Variants in SLC22A3 observed in about 807,000 individuals in gnomAD.
SLC22A3 encodes the protein solute carrier family 22 member 3.
In SLC22A3, 51 loss-of-function variants were observed where a neutral mutation model predicts 59.1. The observed-to-expected ratio is 0.86, with a 90% CI of 0.69 to 1.09. The LOEUF is 1.09. Among genes scored for constraint, SLC22A3 ranks in the 50% least tolerant of loss-of-function variants. The probability of loss-of-function intolerance (pLI) is 0.00; values close to 1 mark genes in which losing one functional copy is unlikely to be tolerated. For missense variants in SLC22A3, 711 were observed against 726.3 expected (o/e 0.98, Z 0.24); for synonymous variants, 325 against 292.0 (o/e 1.11, Z -1.15).
chr6:160,365,772 A>G (rs1477918382), intron 1 of SLC22A3, among the ~76,000 whole-genome samples: 1 of 152,174 alleles, frequency 6.6e-6, no homozygotes, highest in Non-Finnish European at 1.5e-5. Flanking sequence ...GGTAATTTAT[A>G]AAGGAAAGAG....
intron 1 of SLC22A3, among the ~76,000 whole-genome samples, chr6:160,376,112 C>T (rs1274848550): frequency 6.6e-6 from 1 of 152,170 alleles, no homozygotes; most frequent in Admixed American, 6.5e-5. Context: ...AAATGCCCAT[C>T]AGTGATAAAG....
intron 9 of SLC22A3, among the ~76,000 whole-genome samples, chr6:160,444,797 GA>G (rs1788681757): frequency 1.3e-5 from 2 of 152,200 alleles, no homozygotes; most frequent in South Asian, 4.1e-4. Flanking sequence ...AAATTTGAAT[GA>G]AAATACTGAG....
At position 160,348,717 on chromosome 6, in the gene SLC22A3, G is replaced by C. The variant is rs1173579094; in HGVS notation, c.298G>C (p.Asp100His). 1.3e-6 allele frequency: 2 copies of C among 1,525,272 alleles called. No homozygotes were observed. Among genetic ancestry groups the C allele is most frequent in the African/African-American group, 2.8e-5 (2 of 71,310 alleles). The allele number at this position is 1,525,272 out of a possible 1,614,324, so 94.5% of individuals were successfully genotyped here. A position where few individuals can be genotyped will look rare whatever the true frequency, so the allele number is the denominator to read the frequency against. Residue 100 changes from aspartate (D) to histidine (H), a missense_variant, in exon 1 of 11, where the codon GAC becomes CAC. Asp to His is a moderately conservative substitution (Grantham distance 81). Coordinates refer to ENST00000275300, the MANE Select transcript of SLC22A3 (RefSeq NM_021977.4). ...CQRYLLEAAN[D>H]SASATSALSC... ...GCGCTACCTCCTGGAGGCGGCCAACGACAGCGCCTCCGCCACTAGCGCTCT... is the reference window on the plus strand; with the variant it reads ...GCGCTACCTCCTGGAGGCGGCCAACCACAGCGCCTCCGCCACTAGCGCTCT...
rs771723533 is a variant in SLC22A3, at chr6:160,355,597, TA to T, written c.429+6763del. Among the ~76,000 whole-genome samples, 469 of 143,410 alleles carry T rather than the reference TA, an allele frequency of 3.3e-3. 2 individuals carry two copies. The highest frequency in any genetic ancestry group is 6.5e-3 in the African/African-American group (254 of 38,874). The allele number at this position is 143,410 out of a possible 152,430, so 94.1% of individuals were successfully genotyped here. A position where few individuals can be genotyped will look rare whatever the true frequency, so the allele number is the denominator to read the frequency against. ...TAACACGGTGAAACCCCGTCTCTAC[TA>T]AAAAAAAAAAAAATACAAAAACGAT... On this transcript the variant is annotated intron_variant, in intron 1 of 10. Transcript: ENST00000275300.
At position 160,352,074 on chromosome 6, in the gene SLC22A3, A is replaced by T. The variant is rs1784679578; in HGVS notation, c.429+3226A>T. Among the ~76,000 whole-genome samples, 9 of 152,362 alleles carry T rather than the reference A, an allele frequency of 5.9e-5. 1 individual carries two copies. The South Asian group carries it at 1.9e-3, about 32-fold the overall frequency. On this transcript the variant is annotated intron_variant, in intron 1 of 10. Transcript: ENST00000275300. ...GTTTCATTTTACGGTGTCAGGATCC[A>T]CAGTCAGCCAGACTGGCAGATGGGG...
At chr6:160,418,509 C>T (rs1787601255) in intron 5 of SLC22A3, among the ~76,000 whole-genome samples, 1 of 152,172 alleles carries the variant, frequency 6.6e-6, no homozygotes, top group African/African-American at 2.4e-5. Context: ...TCCTAATAAA[C>T]TCCCTTTCAT....
Position 160,410,781 on chromosome 6 carries a change from G to A in SLC22A3, c.910G>A (p.Ala304Thr). The change falls in exon 5 of 11, where the codon GCA becomes ACA. Residue 304 changes from alanine (A) to threonine (T), a missense_variant. Physicochemically the swap from Ala to Thr is moderately conservative, Grantham distance 58. Transcript: ENST00000275300. ...WLITRKKGDK[A>T]LQILRRIAKC... ...GATTACTCGGAAGAAAGGAGATAAA[G>A]CATTACAGATCCTGAGACGCATTGC... 6.2e-7 allele frequency: 1 copy of A among 1,613,382 alleles called. No individual in the cohort carries two copies. Among genetic ancestry groups the A allele is most frequent in the Non-Finnish European group, 8.5e-7 (1 of 1,179,586 alleles).
intron 1 of SLC22A3, among the ~76,000 whole-genome samples, chr6:160,371,956 G>T (rs1277051445): frequency 4.6e-5 from 7 of 152,020 alleles, no homozygotes; most frequent in Admixed American, 4.6e-4. Context: ...TCATGTGTTT[G>T]TTGGCCGGAT....
At chr6:160,355,372 C>T (rs1263556212) in intron 1 of SLC22A3, among the ~76,000 whole-genome samples, 2 of 152,198 alleles carry the variant, frequency 1.3e-5, no homozygotes, top group African/African-American at 4.8e-5. Context: ...GCCCCCGGGG[C>T]TCCCACTCTC....
chr6:160,412,889 C>T (rs1177785081), intron 5 of SLC22A3, among the ~76,000 whole-genome samples: 10 of 146,524 alleles, frequency 6.8e-5, no homozygotes, highest in Admixed American at 6.7e-4. Flanking sequence ...ATAGAAGAAA[C>T]AAATATAGAA....
chr6:160,436,081 G>A (rs1010233193), intron 5 of SLC22A3, among the ~76,000 whole-genome samples: 1 of 152,206 alleles, frequency 6.6e-6, no homozygotes, highest in Non-Finnish European at 1.5e-5. Context: ...CCTCCATGCA[G>A]AGGTAAGAGA....
At chr6:160,403,673 G>A (rs1786882474) in intron 2 of SLC22A3, among the ~76,000 whole-genome samples, 1 of 140,166 alleles carries the variant, frequency 7.1e-6, no homozygotes, top group Admixed American at 7.5e-5. Flanking sequence ...ATCCAATAGT[G>A]TATAAAAAAA....
In SLC22A3 at chr6:160,415,127, C is replaced by T. The variant is rs1032652440; in HGVS notation, c.975+4281C>T. 2.0e-5 allele frequency among the ~76,000 whole-genome samples: 3 copies of T among 152,144 alleles called. No homozygotes were observed. The highest frequency in any genetic ancestry group is 2.9e-5 in the Non-Finnish European group (2 of 68,028). On this transcript the variant is annotated intron_variant, in intron 5 of 10. Coordinates refer to ENST00000275300, the MANE Select transcript of SLC22A3 (RefSeq NM_021977.4). This position sits in a 1 kb window ranked among gnomAD's most constrained non-coding sequence, Gnocchi z 4.1. ...ATCTTTAATCTTTTTAATTGTACAGCGTAAGCAGAAAAGCAAAGTGTTATC... is the reference window on the plus strand; with the variant it reads ...ATCTTTAATCTTTTTAATTGTACAGTGTAAGCAGAAAAGCAAAGTGTTATC...
intron 1 of SLC22A3, among the ~76,000 whole-genome samples, chr6:160,365,431 C>T (rs962549365): frequency 6.6e-6 from 1 of 152,166 alleles, no homozygotes; most frequent in Non-Finnish European, 1.5e-5. Flanking sequence ...GCTTGTGGAA[C>T]CAGACTGCTG....
chr6:160,397,879 A>G lies in SLC22A3; in HGVS notation c.430-100A>G. 3.3e-6 allele frequency: 3 copies of G among 917,512 alleles called. No individual in the cohort carries two copies. The South Asian group carries it at 3.9e-5, about 12-fold the overall frequency. The allele number at this position is 917,512 out of a possible 1,614,324, so 56.8% of individuals were successfully genotyped here. ...TCAAAATTTATTTAAAGAGTATATG[A>G]GCAAAAATCTTTACAGATCATTGAT... On this transcript the variant is annotated intron_variant, in intron 1 of 10. Coordinates refer to ENST00000275300, the MANE Select transcript of SLC22A3 (RefSeq NM_021977.4).
At chr6:160,427,366 C>T (rs1328715426) in intron 5 of SLC22A3, among the ~76,000 whole-genome samples, 3 of 152,164 alleles carry the variant, frequency 2.0e-5, no homozygotes, top group Non-Finnish European at 4.4e-5. Flanking sequence ...GTGACTGGGG[C>T]TAATGTCACC....
chr6:160,410,255 G>A (rs1787190720), intron 4 of SLC22A3, among the ~76,000 whole-genome samples: 2 of 152,180 alleles, frequency 1.3e-5, no homozygotes, highest in Admixed American at 6.5e-5. Context: ...GACCTAAAAT[G>A]ATCCACCCAC....
chr6:160,376,805 C>T (rs1562475051), intron 1 of SLC22A3, among the ~76,000 whole-genome samples: 1 of 152,122 alleles, frequency 6.6e-6, no homozygotes. Flanking sequence ...TTTAATAACT[C>T]CAAGTAACCA....
intron 9 of SLC22A3, among the ~76,000 whole-genome samples, chr6:160,446,275 A>AC (rs750242944): frequency 3.9e-5 from 6 of 152,190 alleles, no homozygotes; most frequent in Non-Finnish European, 7.4e-5. Context: ...CAGAGGCAGG[A>AC]CCTGGAGCAT....
Sources: gnomAD v4.1 joint callset for allele counts (sites outside exome capture counted in the v4.1 genomes callset) on GRCh38, gnomAD v4.1.1 for gene constraint, Gnocchi (gnomAD v3.1) non-coding constraint, MANE v1.5 for transcripts, NCBI Gene and HGNC (gene_info 2026-07-23, HGNC 2026-07-21) for gene names.